USP22: variants seen among roughly 807,000 people sequenced by gnomAD.
USP22 encodes ubiquitin carboxyl-terminal hydrolase 22.
USP22 carries 22 observed loss-of-function variants against 68.1 expected under a neutral mutation model. The ratio of observed to expected loss-of-function variants is 0.32; its 90% CI spans 0.23 to 0.46. USP22 has a LOEUF of 0.46. Among genes scored for constraint, USP22 ranks in the 20% least tolerant of loss-of-function variants. The probability of loss-of-function intolerance (pLI) is 1.00; values close to 1 mark genes in which losing one functional copy is unlikely to be tolerated. For missense variants in USP22, 433 were observed against 695.8 expected (o/e 0.62, Z 4.25); for synonymous variants, 279 against 274.2 (o/e 1.02, Z -0.17).
chr17:21,023,095 C>T (rs1475680879), intron 2 of USP22, among the ~76,000 whole-genome samples: 1 of 152,186 alleles, frequency 6.6e-6, no homozygotes, highest in Non-Finnish European at 1.5e-5. Context: ...CCAAATACCA[C>T]ATGTTCTCAC....
chr17:21,030,582 G>A (rs756798776), intron 1 of USP22, among the ~76,000 whole-genome samples: 48 of 152,206 alleles, frequency 3.2e-4, no homozygotes, highest in Non-Finnish European at 6.2e-4. Flanking sequence ...CAAGTGCAGA[G>A]AACAACATGG....
At chr17:21,030,890 T>C (rs1972281470) in intron 1 of USP22, among the ~76,000 whole-genome samples, 1 of 152,226 alleles carries the variant, frequency 6.6e-6, no homozygotes, top group Non-Finnish European at 1.5e-5. Flanking sequence ...TGTTAGATAG[T>C]ACTATTTGAA....
intron 2 of USP22, among the ~76,000 whole-genome samples, chr17:21,028,082 G>A (rs1473323533): frequency 6.6e-6 from 1 of 152,202 alleles, no homozygotes; most frequent in Admixed American, 6.5e-5. Flanking sequence ...CACACACAGT[G>A]CTAAGGGAGC....
Position 21,022,786 on chromosome 17 carries a change from G to A in USP22, c.305-1560C>T, listed in dbSNP as rs548995328. Among the ~76,000 whole-genome samples, 11 of 129,532 alleles carry A rather than the reference G, an allele frequency of 8.5e-5. No individual in the cohort carries two copies. In the South Asian group the frequency reaches 8.6e-4, roughly 10 times the overall value. The allele number at this position is 129,532 out of a possible 152,430, so 85.0% of individuals were successfully genotyped here. ...TGCACTCCAGCCTGGGCAACAGAGCGAGACTCCGTCTCAAAAAAAAAAAAA... is the reference window on the plus strand; with the variant it reads ...TGCACTCCAGCCTGGGCAACAGAGCAAGACTCCGTCTCAAAAAAAAAAAAA... On this transcript the variant is annotated intron_variant, in intron 2 of 12. Transcript: ENST00000261497.
At chr17:21,009,292 CTT>C (rs1303081305) in intron 8 of USP22, among the ~76,000 whole-genome samples, 2 of 152,090 alleles carry the variant, frequency 1.3e-5, no homozygotes, top group African/African-American at 4.8e-5. Flanking sequence ...AAAATTCACT[CTT>C]TTCACAAGCA....
intron 8 of USP22, among the ~76,000 whole-genome samples, chr17:21,008,339 G>A (rs773664714): frequency 6.6e-6 from 1 of 152,100 alleles, no homozygotes; most frequent in African/African-American, 2.4e-5. Context: ...TGTTACTCAC[G>A]AGAGTCACAA....
At chr17:21,015,050 G>T (rs1368085997) in intron 6 of USP22, among the ~76,000 whole-genome samples, 1 of 152,206 alleles carries the variant, frequency 6.6e-6, no homozygotes, top group Non-Finnish European at 1.5e-5. Context: ...TGTATGGATA[G>T]ACTTCAGCTG....
chr17:21,002,951 GGA>G lies in USP22; in HGVS notation c.*78_*79del. ...CCGGGGAGGCGGCGGGAGACTTGGG[GGA>G]GGGGGGGGCCAGGGAGGATCACTTT... On this transcript the variant is annotated 3_prime_UTR_variant, in exon 13 of 13. Transcript: ENST00000261497. The G allele has an allele frequency of 9.6e-6, 15 of 1,555,988 alleles. No individual in the cohort carries two copies. In the East Asian group the frequency reaches 1.6e-4, roughly 16 times the overall value.
chr17:21,035,685 C>T (rs540659291), intron 1 of USP22, among the ~76,000 whole-genome samples: 29 of 152,234 alleles, frequency 1.9e-4, no homozygotes, highest in African/African-American at 6.7e-4. Context: ...GATTAAGAAA[C>T]TTAAACGACT....
upstream of USP22, chr17:21,043,123 A>ACCGCC (rs1972466892): frequency 5.3e-5 from 1 of 18,888 alleles, no homozygotes; most frequent in Admixed American, 5.7e-4. Context: ...AGATTACGTC[A>ACCGCC]CCCCCCCCCC....
chr17:21,007,941 G>T lies in USP22; in HGVS notation c.1159C>A (p.His387Asn). 6.2e-7 allele frequency: 1 copy of T among 1,614,134 alleles called. No individual in the cohort carries two copies. Among genetic ancestry groups the T allele is most frequent in the Non-Finnish European group, 8.5e-7 (1 of 1,180,016 alleles). Residue 387 changes from histidine (H) to asparagine (N), a missense_variant, in exon 9 of 13, where the codon CAT (histidine) becomes AAT (asparagine). By Grantham distance (68) the His-to-Asn change is moderately conservative (BLOSUM62 1). This residue lies in a region of USP22 where 178 missense variants were observed against 351.5 expected (regional missense o/e 0.51). Coordinates refer to ENST00000261497, the MANE Select transcript of USP22 (RefSeq NM_015276.2). ...SSAKIKCSGC[H>N]SYQESTKQLT... ...TGCTTTGTGGACTCCTGGTAGCTAT[G>T]GCAACCGCTGCACTTGATCTTGGCG...
At chr17:21,035,797 G>A (rs1374583239) in intron 1 of USP22, among the ~76,000 whole-genome samples, 4 of 152,106 alleles carry the variant, frequency 2.6e-5, no homozygotes, top group Non-Finnish European at 4.4e-5. Context: ...TCGGGAGGCT[G>A]AGGCAGACAG....
Position 21,007,879 on chromosome 17 carries a change from A to T in USP22, c.1221T>A (p.Phe407Leu). ...TMKKLPIVAC[F>L]HLKRFEHSAK... is the part of the protein sequence containing the mutation. ...TTTCTGGAAAACTTACTTTGAGATGAAAACAGGCTACGATGGGCAGTTTCT... is the reference window on the plus strand; with the variant it reads ...TTTCTGGAAAACTTACTTTGAGATGTAAACAGGCTACGATGGGCAGTTTCT... The change falls in exon 9 of 13, where the codon TTT becomes TTA. Residue 407 changes from phenylalanine to leucine, a missense_variant. Physicochemically the swap from Phe to Leu is conservative, Grantham distance 22. Transcript: ENST00000261497. The T allele has an allele frequency of 6.2e-7, 1 of 1,614,164 alleles. No individual in the cohort carries two copies. Among genetic ancestry groups the T allele is most frequent in the Non-Finnish European group, 8.5e-7 (1 of 1,180,020 alleles).
intron 12 of USP22, among the ~76,000 whole-genome samples, chr17:21,003,881 C>A (rs544792212): frequency 3.1e-4 from 39 of 126,612 alleles, no homozygotes; most frequent in African/African-American, 1.2e-3. Flanking sequence ...GCCTGGGCAA[C>A]AAGAGCGAAA....
chr17:21,018,704 G>GAA lies in USP22; in HGVS notation c.520+378_520+379dup, dbSNP rs66686216. Among the ~76,000 whole-genome samples, 107 of 150,332 alleles carry GAA rather than the reference G, an allele frequency of 7.1e-4. 1 individual carries two copies. The highest frequency in any genetic ancestry group is 1.9e-3 in the African/African-American group (77 of 40,980). On this transcript the variant is annotated intron_variant, in intron 4 of 12. Coordinates refer to ENST00000261497, the MANE Select transcript of USP22 (RefSeq NM_015276.2). ...CAGAGCAAGACTCTGTCTCAAAAAA[G>GAA]AAAAAGAAAAAGTTTTAAAGGGTAT...
chr17:21,017,243 G>A (rs889662259), intron 5 of USP22, among the ~76,000 whole-genome samples: 7 of 152,318 alleles, frequency 4.6e-5, no homozygotes, highest in South Asian at 2.1e-4. Context: ...TGCATCTCTC[G>A]CAGAGGTTAC....
intron 10 of USP22, 41 bp downstream of exon 10, chr17:21,006,855 C>G (rs182935595): frequency 6.7e-7 from 1 of 1,490,258 alleles, no homozygotes; most frequent in African/African-American, 1.4e-5. Context: ...GATAGGATCA[C>G]AGCCCCTCAG....
chr17:21,028,718 C>A, intron 1 of USP22, 44 bp from the exon 2 acceptor site: 2 of 1,597,324 alleles, frequency 1.3e-6, no homozygotes. Flanking sequence ...TGTGATAAGA[C>A]AGGGGTGCTC....
intron 11 of USP22, 132 bp downstream of exon 11, chr17:21,004,777 CTGCGGGCAGCCAATAGTGG>C: frequency 5.7e-5 from 5 of 87,220 alleles, no homozygotes; most frequent in South Asian, 4.7e-4. Flanking sequence ...CCTAGTGGAG[CTGCGGGCAGCCAATAGTGG>C]AGCTGCGGGC....
Sources: allele counts gnomAD v4.1 joint callset (sites outside exome capture counted in the v4.1 genomes callset), GRCh38; gene constraint gnomAD v4.1.1; regional missense constraint gnomAD v4.1.1; transcripts MANE v1.5; gene names NCBI Gene and HGNC (gene_info 2026-07-23, HGNC 2026-07-21).